SLC6A11: variants seen among roughly 807,000 people sequenced by gnomAD.
SLC6A11 encodes the protein sodium- and chloride-dependent GABA transporter 3.
A neutral mutation model predicts 74.8 loss-of-function variants in SLC6A11; 25 were observed. The ratio of observed to expected loss-of-function variants is 0.33; its 90% CI spans 0.24 to 0.47. The LOEUF is 0.47. Among genes scored for constraint, SLC6A11 ranks in the 20% least tolerant of loss-of-function variants. SLC6A11 has a pLI of 1.00. For synonymous variants in SLC6A11, 330 were observed against 330.2 expected (o/e 1.00, Z 0.01); for missense variants, 574 against 837.0 (o/e 0.69, Z 3.88).
intron 5 of SLC6A11, among the ~76,000 whole-genome samples, chr3:10,854,215 C>T (rs983141257): frequency 2.6e-5 from 4 of 152,068 alleles, no homozygotes; most frequent in African/African-American, 9.7e-5. Flanking sequence ...TGGCGAAACC[C>T]CGTCTCTACT....
chr3:10,888,194 CT>C (rs977413040), intron 6 of SLC6A11, among the ~76,000 whole-genome samples: 5 of 152,338 alleles, frequency 3.3e-5, no homozygotes, highest in Non-Finnish European at 5.9e-5. Context: ...AGTTTCATCT[CT>C]CGTAAGCTTC....
rs1240791471 is a variant in SLC6A11 at position 10,933,233 on chromosome 3, T to A, written c.1454T>A (p.Ile485Asn). 3.7e-6 allele frequency: 6 copies of A among 1,613,704 alleles called. No homozygotes were observed. Among genetic ancestry groups the A allele is most frequent in the South Asian group, 3.3e-5 (3 of 91,064 alleles). The change falls in exon 11 of 14, where the codon ATC becomes AAC. Residue 485 changes from isoleucine (I) to asparagine (N), a missense_variant. Coordinates refer to ENST00000254488, the MANE Select transcript of SLC6A11 (RefSeq NM_014229.3). ...CLLFVAIFEC[I>N]CIGWVYGSNR... ...CTCTTCGTGGCCATCTTTGAGTGCA[T>A]CTGCATCGGCTGGGTGTATGGTGAG... is the stretch of plus-strand genomic sequence containing the variant.
intron 8 of SLC6A11, among the ~76,000 whole-genome samples, chr3:10,925,079 G>A (rs1035768067): frequency 6.6e-6 from 1 of 152,198 alleles, no homozygotes; most frequent in African/African-American, 2.4e-5. Context: ...ACAGCAAGGG[G>A]CCTCAAGGGG....
At chr3:10,922,202 C>G (rs1351762049) in intron 8 of SLC6A11, among the ~76,000 whole-genome samples, 2 of 152,130 alleles carry the variant, frequency 1.3e-5, no homozygotes, top group Admixed American at 6.5e-5. Context: ...GGAACATTCA[C>G]CAAGATAGAC....
chr3:10,920,834 G>T (rs1695527856), intron 8 of SLC6A11, among the ~76,000 whole-genome samples: 1 of 152,212 alleles, frequency 6.6e-6, no homozygotes, highest in Admixed American at 6.5e-5. Context: ...TTGTGTTGCT[G>T]TTGGCATCAA....
At chr3:10,839,039 C>T (rs546506394) in intron 4 of SLC6A11, among the ~76,000 whole-genome samples, 1 of 152,084 alleles carries the variant, frequency 6.6e-6, no homozygotes, top group African/African-American at 2.4e-5. Context: ...CATCTCCATG[C>T]CTGGATGGCC....
At chr3:10,827,677 G>A (rs1485144) in intron 4 of SLC6A11, among the ~76,000 whole-genome samples, 101,993 of 152,098 alleles carry the variant, frequency 0.67, 36,773 homozygotes, top group East Asian at 0.94. Context: ...CATAAGAAAA[G>A]CACGGTGTCT....
At chr3:10,817,173 G>T (rs1458920793) in intron 1 of SLC6A11, among the ~76,000 whole-genome samples, 3 of 152,212 alleles carry the variant, frequency 2.0e-5, no homozygotes, top group African/African-American at 7.2e-5. Context: ...TCTTTCGTCT[G>T]CTCTTAAGCC....
At chr3:10,917,588 C>T (rs1695474877) in intron 7 of SLC6A11, among the ~76,000 whole-genome samples, 1 of 152,182 alleles carries the variant, frequency 6.6e-6, no homozygotes, top group Non-Finnish European at 1.5e-5. Flanking sequence ...CAGGCCGGGA[C>T]TCGAGGGTAC....
Position 10,918,443 on chromosome 3 carries a change from G to A in SLC6A11, c.1110G>A (p.Val370=). The change falls in exon 8 of 14, where the codon GTG becomes GTA. Residue 370 remains valine, a synonymous_variant. Coordinates refer to ENST00000254488, the MANE Select transcript of SLC6A11 (RefSeq NM_014229.3). The surrounding 1 kb of genome is among the most constrained non-coding windows in gnomAD (Gnocchi z 4.5). ...AYEQGVPIAE[V]AESGPGLAFI... ...AGCAGGGGGTACCCATTGCTGAGGT[G>A]GCAGAGTCAGGTAAGTTCGCCAAAG... 2 of 1,604,086 alleles carry A rather than the reference G, an allele frequency of 1.2e-6. No homozygotes were observed. The highest frequency in any genetic ancestry group is 1.7e-6 in the Non-Finnish European group (2 of 1,176,168).
At chr3:10,822,118 A>G (rs56924780) in intron 3 of SLC6A11, among the ~76,000 whole-genome samples, 16,039 of 152,292 alleles carry the variant, frequency 0.11, 1,063 homozygotes, top group African/African-American at 0.17. Context: ...AACACTTGCA[A>G]TGTGTGAAAC....
chr3:10,839,634 C>T (rs990909107), intron 4 of SLC6A11, among the ~76,000 whole-genome samples: 2 of 152,194 alleles, frequency 1.3e-5, no homozygotes, highest in Non-Finnish European at 2.9e-5. Context: ...CTTCAGGTCT[C>T]CCAGGATACC....
intron 5 of SLC6A11, among the ~76,000 whole-genome samples, chr3:10,873,965 A>G (rs997072679): frequency 2.1e-5 from 3 of 141,754 alleles, no homozygotes; most frequent in Non-Finnish European, 4.4e-5. Context: ...ATGCTACGCT[A>G]TGCTATGCTA....
At chr3:10,920,566 A>G (rs1377205276) in intron 8 of SLC6A11, among the ~76,000 whole-genome samples, 1 of 152,154 alleles carries the variant, frequency 6.6e-6, no homozygotes, top group Non-Finnish European at 1.5e-5. Flanking sequence ...AGGCCGTAAG[A>G]TAGTTGTTTT....
In SLC6A11 at chr3:10,830,048, G is replaced by A. The variant is rs537450888; in HGVS notation, c.623+6656G>A. ...AGAAGCACACAGCCCAGCAGGGGAA[G>A]CTGGGAAGTAGGAAAAAAAAAACAA... On this transcript the variant is annotated intron_variant, in intron 4 of 13. Transcript: ENST00000254488. Among the ~76,000 whole-genome samples, 188 of 152,192 alleles carry A rather than the reference G, an allele frequency of 1.2e-3. 1 individual carries two copies. Among genetic ancestry groups the A allele is most frequent in the Middle Eastern group, 3.4e-3 (1 of 294 alleles).
At chr3:10,931,773 A>T (rs909880204) in intron 10 of SLC6A11, among the ~76,000 whole-genome samples, 2 of 151,868 alleles carry the variant, frequency 1.3e-5, no homozygotes, top group African/African-American at 4.8e-5. Context: ...TACCACACCC[A>T]CCTCCCTTTT....
chr3:10,932,468 A>C (rs1202221835), intron 10 of SLC6A11, among the ~76,000 whole-genome samples: 1 of 152,110 alleles, frequency 6.6e-6, no homozygotes, highest in East Asian at 1.9e-4. Flanking sequence ...TTTAATTGTG[A>C]GCCCACAAAA....
intron 6 of SLC6A11, among the ~76,000 whole-genome samples, chr3:10,894,808 CA>C (rs897964406): frequency 6.6e-6 from 1 of 152,044 alleles, no homozygotes; most frequent in African/African-American, 2.4e-5. Flanking sequence ...GTTCTTGCCA[CA>C]AAAAAACCAA....
chr3:10,840,280 G>GATTTTGCCCTTGGGGGC, intron 4 of SLC6A11, among the ~76,000 whole-genome samples: 2 of 152,258 alleles, frequency 1.3e-5, no homozygotes, highest in South Asian at 4.1e-4. Context: ...CAGCCTCCTG[G>GATTTTGCCCTTGGGGGC]CTTTTGCCCT....
Sources: allele counts gnomAD v4.1 joint callset (sites outside exome capture counted in the v4.1 genomes callset), GRCh38; gene constraint gnomAD v4.1.1; non-coding constraint Gnocchi (gnomAD v3.1); transcripts MANE v1.5; gene names NCBI Gene and HGNC (gene_info 2026-07-23, HGNC 2026-07-21).